The following SHROOM3 variants were observed in gnomAD, a reference collection of about 807,000 sequenced individuals.
SHROOM3 encodes the protein shroom family member 3, also known as protein Shroom3.
In SHROOM3, 47 loss-of-function variants were observed where a neutral mutation model predicts 138.6. The observed-to-expected ratio is 0.34, with a 90% CI of 0.27 to 0.43. The LOEUF (loss-of-function observed/expected upper bound fraction) is 0.43, where lower values mean the gene tolerates loss of function less well. Ranked by LOEUF, SHROOM3 falls within the 20% of genes least tolerant of loss-of-function variation. The pLI, the probability that SHROOM3 is intolerant of heterozygous loss-of-function variation, is 1.00. For missense variants in SHROOM3, 2,491 were observed against 2,596.5 expected (o/e 0.96, Z 0.88); for synonymous variants, 1,062 against 1,063.3 (o/e 1.00, Z 0.02).
chr4:76,710,022 C>T, intron 2 of SHROOM3, 134 bp from the exon 3 acceptor site: 1 of 1,154,282 alleles, frequency 8.7e-7, no homozygotes, highest in African/African-American at 1.5e-5. Context: ...GGCTTAGAAC[C>T]CTGCACTTAG....
chr4:76,740,156 C>G lies in SHROOM3; in HGVS notation c.1983C>G (p.Ala661=), dbSNP rs146547007. 7 of 1,613,818 alleles carry G rather than the reference C, an allele frequency of 4.3e-6. No homozygotes were observed. The African/African-American group carries it at 6.7e-5, about 15-fold the overall frequency. Residue 661 remains alanine (A), a synonymous_variant, in exon 5 of 11, where the codon GCC becomes GCG. Transcript: ENST00000296043. The surrounding 1 kb of genome is among the most constrained non-coding windows in gnomAD (Gnocchi z 4.0). ...GCAACTTTGGCAAGACCAAGTCAGCCTTCTCATCTCTCCAGAACATTCCTG... is the reference window on the plus strand; with the variant it reads ...GCAACTTTGGCAAGACCAAGTCAGCGTTCTCATCTCTCCAGAACATTCCTG... ...LSGNFGKTKS[A]FSSLQNIPES...
chr4:76,498,992 GT>G (rs1560525159), intron 1 of SHROOM3, among the ~76,000 whole-genome samples: 1 of 152,122 alleles, frequency 6.6e-6, no homozygotes, highest in Non-Finnish European at 1.5e-5. Context: ...GTCCCCAGCA[GT>G]AATCAGCACA....
intron 2 of SHROOM3, among the ~76,000 whole-genome samples, chr4:76,709,223 G>A (rs1028131280): frequency 7.2e-5 from 11 of 152,224 alleles, no homozygotes. Context: ...TGCAGAGGAG[G>A]CACGGCCTCA....
chr4:76,475,908 C>T (rs1016526360), intron 1 of SHROOM3, among the ~76,000 whole-genome samples: 2 of 152,188 alleles, frequency 1.3e-5, no homozygotes, highest in Non-Finnish European at 2.9e-5. Flanking sequence ...TGAGAAAACA[C>T]TCTGTAATTA....
At position 76,755,912 on chromosome 4, in the gene SHROOM3, A is replaced by G. The variant is rs116756332; in HGVS notation, c.4710-537A>G. Among the ~76,000 whole-genome samples, 1,109 of 152,302 alleles carry G rather than the reference A, an allele frequency of 7.3e-3. 13 individuals carry two copies. The highest frequency in any genetic ancestry group is 0.025 in the African/African-American group (1,036 of 41,554). ...ATCTCTCAAAACACCAAAAAAACAC[A>G]TTGCCTGACAGCACCTTTTGAGTGG... On this transcript the variant is annotated intron_variant, in intron 7 of 10. Transcript: ENST00000296043.
chr4:76,484,387 C>G (rs1731684548), intron 1 of SHROOM3, among the ~76,000 whole-genome samples: 1 of 151,486 alleles, frequency 6.6e-6, no homozygotes, highest in Non-Finnish European at 1.5e-5. Flanking sequence ...GCCTGGGCAA[C>G]ATAGTGAGAC....
intron 2 of SHROOM3, among the ~76,000 whole-genome samples, chr4:76,629,345 G>C (rs1735243422): frequency 6.6e-6 from 1 of 152,212 alleles, no homozygotes; most frequent in Non-Finnish European, 1.5e-5. Flanking sequence ...AGGGAGGATA[G>C]TACCAGATCA....
Position 76,710,020 on chromosome 4 carries a change from A to G in SHROOM3, c.324-136A>G, listed in dbSNP as rs923194724. ...GAACTTTGTTAGGTGCAGGCTTAGAACCCTGCACTTAGCTGTGCTGCTTTG... is the reference window on the plus strand; with the variant it reads ...GAACTTTGTTAGGTGCAGGCTTAGAGCCCTGCACTTAGCTGTGCTGCTTTG... On this transcript the variant is annotated intron_variant, in intron 2 of 10. Coordinates refer to ENST00000296043, the MANE Select transcript of SHROOM3 (RefSeq NM_020859.4). The G allele has an allele frequency of 3.6e-6, 4 of 1,126,458 alleles. No individual in the cohort carries two copies. The African/African-American group carries it at 6.1e-5, about 17-fold the overall frequency. 69.8% of individuals were successfully genotyped at this position (1,126,458 alleles called of 1,614,324 possible). A position where few individuals can be genotyped will look rare whatever the true frequency, so the allele number is the denominator to read the frequency against.
chr4:76,528,390 C>T (rs1170697226), intron 1 of SHROOM3, among the ~76,000 whole-genome samples: 25 of 145,902 alleles, frequency 1.7e-4, no homozygotes, highest in African/African-American at 6.1e-4. Flanking sequence ...CCTATGTTGC[C>T]CAGGATGTAC....
At chr4:76,576,611 T>C (rs1404555102) in intron 2 of SHROOM3, among the ~76,000 whole-genome samples, 1 of 152,296 alleles carries the variant, frequency 6.6e-6, no homozygotes, top group South Asian at 2.1e-4. Context: ...TAATCCATAA[T>C]AATGTAATTG....
chr4:76,778,646 T>A (rs780089237), intron 10 of SHROOM3, among the ~76,000 whole-genome samples, 163 bp from the exon 11 acceptor site: 1 of 151,924 alleles, frequency 6.6e-6, no homozygotes, highest in Non-Finnish European at 1.5e-5. Flanking sequence ...ATATGTAATA[T>A]AAGGATAATC....
At chr4:76,710,384 C>A in intron 3 of SHROOM3, 97 bp downstream of exon 3, 1 of 1,441,906 alleles carries the variant, frequency 6.9e-7, no homozygotes, top group Non-Finnish European at 9.6e-7. Context: ...CAAGGATGGT[C>A]AGGATACAGG....
chr4:76,701,210 A>T (rs1223122028), intron 2 of SHROOM3, among the ~76,000 whole-genome samples: 1 of 152,158 alleles, frequency 6.6e-6, no homozygotes, highest in African/African-American at 2.4e-5. Flanking sequence ...CTCTAGATCT[A>T]GGGACAGTTG....
At chr4:76,655,661 G>A (rs1361162637) in intron 2 of SHROOM3, among the ~76,000 whole-genome samples, 1 of 152,184 alleles carries the variant, frequency 6.6e-6, no homozygotes, top group Non-Finnish European at 1.5e-5. Flanking sequence ...TGTAGGATTA[G>A]CTGCCCAATT....
chr4:76,756,463 C>T lies in SHROOM3; in HGVS notation c.4724C>T (p.Ser1575Phe). 6.2e-7 allele frequency: 1 copy of T among 1,602,482 alleles called. No individual in the cohort carries two copies. The highest frequency in any genetic ancestry group is 8.5e-7 in the Non-Finnish European group (1 of 1,174,682). The change falls in exon 8 of 11, where the codon TCT (serine) becomes TTT (phenylalanine). Residue 1575 changes from serine (S) to phenylalanine (F), a missense_variant. Around this residue, in one of 4 missense-constraint regions of SHROOM3, gnomAD observed 470 missense variants for 595.0 expected, o/e 0.79. Transcript: ENST00000296043. ...EGPRPSFNKL[S>F]KVTIARERHM... ...ATCCCTGGCAGCTTCAACAAACTTT[C>T]TAAAGTGACAATTGCAAGGGAAAGG...
At chr4:76,564,501 G>A (rs1186351131) in intron 2 of SHROOM3, among the ~76,000 whole-genome samples, 1 of 152,158 alleles carries the variant, frequency 6.6e-6, no homozygotes, top group African/African-American at 2.4e-5. Context: ...TCACTGTATA[G>A]AAGTATAGTA....
Position 76,741,424 on chromosome 4 carries a change from G to A in SHROOM3, c.3251G>A (p.Ser1084Asn). ...SGPELKQFQQ[S>N]ALADYIQRKT... Reference sequence around the variant, plus strand: ...CCCGAGCTGAAGCAGTTCCAGCAGAGCGCCCTGGCGGACTACATCCAGCGC... The same window carrying A: ...CCCGAGCTGAAGCAGTTCCAGCAGAACGCCCTGGCGGACTACATCCAGCGC... The change falls in exon 5 of 11, where the codon AGC becomes AAC. Residue 1084 changes from serine to asparagine, a missense_variant. By Grantham distance (46) the Ser-to-Asn change is conservative (BLOSUM62 1). This residue lies in a region of SHROOM3 where 1,733 missense variants were observed against 1,661.6 expected (regional missense o/e 1.04). Coordinates refer to ENST00000296043, the MANE Select transcript of SHROOM3 (RefSeq NM_020859.4). The surrounding 1 kb of genome is among the most constrained non-coding windows in gnomAD (Gnocchi z 6.2). 6.3e-7 allele frequency: 1 copy of A among 1,593,762 alleles called. No individual in the cohort carries two copies. Among genetic ancestry groups the A allele is most frequent in the South Asian group, 1.1e-5 (1 of 88,340 alleles).
At chr4:76,564,502 A>G (rs1253289396) in intron 2 of SHROOM3, among the ~76,000 whole-genome samples, 1 of 152,142 alleles carries the variant, frequency 6.6e-6, no homozygotes, top group Non-Finnish European at 1.5e-5. Flanking sequence ...CACTGTATAG[A>G]AGTATAGTAT....
At chr4:76,735,517 T>G (rs1213724440) in intron 4 of SHROOM3, among the ~76,000 whole-genome samples, 2 of 152,008 alleles carry the variant, frequency 1.3e-5, no homozygotes, top group East Asian at 3.9e-4. Context: ...GTAACAGGGA[T>G]TTCATATTTA....
Sources: gnomAD v4.1 joint callset for allele counts (sites outside exome capture counted in the v4.1 genomes callset) on GRCh38, gnomAD v4.1.1 for gene constraint, gnomAD v4.1.1 regional missense constraint, Gnocchi (gnomAD v3.1) non-coding constraint, MANE v1.5 for transcripts, NCBI Gene and HGNC (gene_info 2026-07-23, HGNC 2026-07-21) for gene names.